NPNT: variants seen among roughly 807,000 people sequenced by gnomAD.
NPNT encodes preosteoblast EGF-like repeat protein with MAM domain.
A neutral mutation model predicts 68.6 loss-of-function variants in NPNT; 45 were observed. The ratio of observed to expected loss-of-function variants is 0.66; its 90% CI spans 0.52 to 0.84. The LOEUF is 0.84. Among genes scored for constraint, NPNT ranks in the 40% least tolerant of loss-of-function variants. The probability of loss-of-function intolerance (pLI) is 0.00; values close to 1 mark genes in which losing one functional copy is unlikely to be tolerated. For synonymous variants in NPNT, 233 were observed against 253.3 expected, an observed-to-expected ratio of 0.92 and a Z score of 0.76; for missense variants, 672 against 714.8, an observed-to-expected ratio of 0.94 and a Z score of 0.68.
In NPNT at chr4:105,961,784, G is replaced by A. The variant is rs558023166; in HGVS notation, c.1345+2658G>A. On this transcript the variant is annotated intron_variant, in intron 10 of 11. Coordinates refer to ENST00000379987, the MANE Select transcript of NPNT (RefSeq NM_001033047.3). ...TGATGATTGGCTACGGTCCCTGGAG[G>A]ATGCTTTTCTAGAATTGGTCCAAGT... is the stretch of plus-strand genomic sequence containing the variant. Among the ~76,000 whole-genome samples the A allele has an allele frequency of 6.0e-4, 92 of 152,310 alleles. 1 individual carries two copies. The highest frequency in any genetic ancestry group is 1.0e-3 in the Non-Finnish European group (71 of 68,032).
intron 2 of NPNT, among the ~76,000 whole-genome samples, chr4:105,900,052 G>A (rs1726271735): frequency 6.6e-6 from 1 of 152,230 alleles, no homozygotes; most frequent in South Asian, 2.1e-4. Context: ...CCTTGCTATT[G>A]TATAACAATT....
At chr4:105,956,438 C>T (rs2149397783) in intron 8 of NPNT, among the ~76,000 whole-genome samples, 1 of 152,016 alleles carries the variant, frequency 6.6e-6, no homozygotes, top group Admixed American at 6.6e-5. Context: ...TACATCAACA[C>T]TCGATTTGCC....
intron 2 of NPNT, among the ~76,000 whole-genome samples, chr4:105,921,826 C>T (rs193218993): frequency 1.6e-3 from 244 of 152,268 alleles, no homozygotes; most frequent in Middle Eastern, 3.4e-3. Flanking sequence ...AAAAGTCATT[C>T]CCTGTCATAT....
chr4:105,914,375 A>C (rs192421775), intron 2 of NPNT, among the ~76,000 whole-genome samples: 1,890 of 136,060 alleles, frequency 0.014, 26 homozygotes, highest in South Asian at 0.035. Context: ...CTCTCTCTCT[A>C]TATATATAAT....
At chr4:105,957,393 A>G (rs1731319232) in intron 8 of NPNT, among the ~76,000 whole-genome samples, 1 of 150,992 alleles carries the variant, frequency 6.6e-6, no homozygotes, top group Non-Finnish European at 1.5e-5. Context: ...GCCATCAAAT[A>G]TACACTGATT....
rs763122460 is a variant in NPNT, at chr4:105,959,101, C to G, written c.1320C>G (p.His440Gln). Residue 440 changes from histidine (H) to glutamine (Q), a missense_variant, in exon 10 of 12, where the codon CAC becomes CAG. His to Gln is a conservative substitution (Grantham distance 24). Transcript: ENST00000379987. ...GWIREKDNDLHWEPIRDPAGG... is the reference protein window; with the variant it reads ...GWIREKDNDLQWEPIRDPAGG... ...TCAGGGAGAAAGACAATGACTTGCA[C>G]TGGGAACCAATCAGGGACCCAGCAG... is the stretch of plus-strand genomic sequence containing the variant. 1.2e-6 allele frequency: 2 copies of G among 1,612,882 alleles called. No homozygotes were observed. Among genetic ancestry groups the G allele is most frequent in the Admixed American group, 3.3e-5 (2 of 60,008 alleles).
intron 2 of NPNT, among the ~76,000 whole-genome samples, chr4:105,905,338 A>T (rs894663811): frequency 2.0e-4 from 30 of 152,208 alleles, no homozygotes; most frequent in Non-Finnish European, 3.8e-4. Flanking sequence ...AAAAATTAAA[A>T]GACACATACT....
chr4:105,897,487 TACTTTTC>T (rs1465267240), intron 1 of NPNT, among the ~76,000 whole-genome samples: 1 of 152,246 alleles, frequency 6.6e-6, no homozygotes, highest in Non-Finnish European at 1.5e-5. Context: ...TCTTACTTAA[TACTTTTC>T]AGTTTATGGT....
intron 3 of NPNT, chr4:105,932,548 G>C: frequency 9.1e-7 from 1 of 1,103,446 alleles, no homozygotes; most frequent in Non-Finnish European, 1.3e-6. Context: ...TACTTGCAAA[G>C]ATTTTTAGGG....
At chr4:105,910,193 G>A (rs1009341238) in intron 2 of NPNT, among the ~76,000 whole-genome samples, 3 of 152,136 alleles carry the variant, frequency 2.0e-5, no homozygotes, top group African/African-American at 7.2e-5. Context: ...TCCCCAGATA[G>A]TTTAGTTTCT....
chr4:105,898,357 TCTCTCTCTCTCTCTCTCTCTCTC>T (rs1560881921), intron 2 of NPNT, among the ~76,000 whole-genome samples: 19 of 141,810 alleles, frequency 1.3e-4, no homozygotes, highest in African/African-American at 4.9e-4. Flanking sequence ...TCTCTCTCTC[TCTCTCTCTCTCTCTCTCTCTCTC>T]GCTGACTCGC....
chr4:105,903,373 C>T (rs558655016), intron 2 of NPNT, among the ~76,000 whole-genome samples: 22 of 152,282 alleles, frequency 1.4e-4, no homozygotes, highest in African/African-American at 4.8e-4. Context: ...AGATATTCAT[C>T]ACAGGGGTGG....
rs1171114193 is a variant in NPNT, at chr4:105,922,906, GT to G, written c.173-4428del. 1.1e-3 allele frequency among the ~76,000 whole-genome samples: 166 copies of G among 152,184 alleles called. 1 individual carries two copies. The highest frequency in any genetic ancestry group is 3.7e-3 in the African/African-American group (153 of 41,514). On this transcript the variant is annotated intron_variant, in intron 2 of 11. Coordinates refer to ENST00000379987, the MANE Select transcript of NPNT (RefSeq NM_001033047.3). ...CTGGACTTTACTTAAGCTTTATTAA[GT>G]TGCTAAACCATATTTGGATGCTAGT...
chr4:105,958,426 T>A (rs747699271), intron 8 of NPNT, 45 bp from the exon 9 acceptor site: 1 of 1,139,830 alleles, frequency 8.8e-7, no homozygotes, highest in South Asian at 1.3e-5. Flanking sequence ...TTATCAATAC[T>A]TCACACACAC....
intron 3 of NPNT, among the ~76,000 whole-genome samples, chr4:105,934,728 G>A (rs1729377664): frequency 6.6e-6 from 1 of 152,164 alleles, no homozygotes; most frequent in Non-Finnish European, 1.5e-5. Context: ...ATTGAATGTT[G>A]CATGTTTTCT....
chr4:105,962,891 GTGTA>G (rs1028855655), intron 10 of NPNT, among the ~76,000 whole-genome samples: 1 of 151,750 alleles, frequency 6.6e-6, no homozygotes, highest in Non-Finnish European at 1.5e-5. Context: ...GTGTATGTAT[GTGTA>G]TGTGTGTGTG....
intron 10 of NPNT, among the ~76,000 whole-genome samples, chr4:105,960,761 C>CGTGTGTGT (rs35898642): frequency 6.7e-6 from 1 of 149,110 alleles, no homozygotes; most frequent in African/African-American, 2.5e-5. Context: ...AACATATCTA[C>CGTGTGTGT]GTGTGTGTGT....
intron 8 of NPNT, among the ~76,000 whole-genome samples, chr4:105,947,172 G>T (rs576635958): frequency 6.6e-6 from 1 of 152,112 alleles, no homozygotes; most frequent in African/African-American, 2.4e-5. Context: ...GCCTGATCCC[G>T]CAGGCAGTCA....
chr4:105,953,800 T>A (rs1731013672), intron 8 of NPNT, among the ~76,000 whole-genome samples: 1 of 152,246 alleles, frequency 6.6e-6, no homozygotes, highest in Non-Finnish European at 1.5e-5. Context: ...ACAGTGTTAT[T>A]TTTAATCATT....
Sources: allele counts gnomAD v4.1 joint callset (sites outside exome capture counted in the v4.1 genomes callset), GRCh38; gene constraint gnomAD v4.1.1; transcripts MANE v1.5; gene names NCBI Gene and HGNC (gene_info 2026-07-23, HGNC 2026-07-21).